Variants in FLII observed in about 807,000 individuals in gnomAD.
FLII encodes protein flightless-1 homolog.
Under a neutral mutation model 156.2 loss-of-function variants are expected in FLII, and 101 were observed. The observed-to-expected ratio is 0.65, with a 90% CI of 0.55 to 0.76. FLII has a LOEUF of 0.76. Ranked by LOEUF, FLII falls within the 30% of genes least tolerant of loss-of-function variation. The pLI is 0.00. For missense variants in FLII, 1,675 were observed against 1,682.8 expected (o/e 1.00, Z 0.08); for synonymous variants, 767 against 685.8 (o/e 1.12, Z -1.85).
upstream of FLII, chr17:18,258,749 G>T (rs909407821): frequency 1.5e-5 from 18 of 1,229,602 alleles, no homozygotes; most frequent in East Asian, 3.3e-5. The surrounding 1 kb of genome is among the most constrained non-coding windows in gnomAD (Gnocchi z 4.2). Flanking sequence ...GAGGGCGCTG[G>T]GGGGAGCCGC....
rs779806523 is a variant in FLII at position 18,246,016 on chromosome 17, A to G, written c.3314T>C (p.Val1105Ala). Reference sequence around the variant, plus strand: ...TTCGTCAGGGTCTGATGCCCGGCCCACCCAGGCATACACGATGCCCTGGTT... The same window carrying G: ...TTCGTCAGGGTCTGATGCCCGGCCCGCCCAGGCATACACGATGCCCTGGTT... Reference protein sequence around the residue: ...EDNQGIVYAWVGRASDPDEAK... With the variant: ...EDNQGIVYAWAGRASDPDEAK... Residue 1105 changes from valine to alanine, a missense_variant, in exon 26 of 30, where the codon GTG becomes GCG. Physicochemically the swap from Val to Ala is moderately conservative, Grantham distance 64 (BLOSUM62 0). This residue lies in a region of FLII where 1,332 missense variants were observed against 1,269.3 expected (regional missense o/e 1.05). Transcript: ENST00000327031. 6.2e-7 allele frequency: 1 copy of G among 1,614,014 alleles called. No homozygotes were observed. Among genetic ancestry groups the G allele is most frequent in the Non-Finnish European group, 8.5e-7 (1 of 1,179,994 alleles).
intron 18 of FLII, 54 bp from the exon 19 acceptor site, chr17:18,248,087 C>T: frequency 8.0e-7 from 1 of 1,253,782 alleles, no homozygotes. Context: ...GGAACCTCAC[C>T]CACACAGCCC....
rs2048045822 is a variant in FLII at position 18,246,198 on chromosome 17, G to A, written c.3231C>T (p.Ser1077=). The A allele has an allele frequency of 6.2e-7, 1 of 1,614,022 alleles. No individual in the cohort carries two copies. The highest frequency in any genetic ancestry group is 1.7e-5 in the Admixed American group (1 of 60,006). ...CTRCIQINTD[S]SLLNSEFCFI... ...AGCAGAACTCGGAGTTGAGGAGGCT[G>A]GAGTCGGTGTTGATCTGGATGCACC... is the stretch of plus-strand genomic sequence containing the variant. Residue 1077 remains serine (S), a synonymous_variant, in exon 25 of 30, where the codon TCC becomes TCT. Coordinates refer to ENST00000327031, the MANE Select transcript of FLII (RefSeq NM_002018.4).
At position 18,248,775 on chromosome 17, in the gene FLII, A is replaced by G. The variant is rs750347661; in HGVS notation, c.2018+25T>C. The G allele has an allele frequency of 2.5e-6, 4 of 1,613,744 alleles. No homozygotes were observed. The African/African-American group carries it at 4.0e-5, about 16-fold the overall frequency. On this transcript the variant is annotated intron_variant, in intron 17 of 29. Transcript: ENST00000327031. The stretch of plus-strand genomic sequence containing the variant: ...AGGCTCACACCCCTTTCCTTCACAC[A>G]AAAGACCCCACGGTGTCCTTGTACC...
intron 5 of FLII, 32 bp downstream of exon 5, chr17:18,254,737 C>T: frequency 6.2e-7 from 1 of 1,614,002 alleles, no homozygotes; most frequent in East Asian, 2.2e-5. Context: ...CCACAGGGCC[C>T]ACCTGCCCCC....
Position 18,247,346 on chromosome 17 carries a change from G to T in FLII, c.2499C>A (p.Ala833=). 6.2e-7 allele frequency: 1 copy of T among 1,602,876 alleles called. No individual in the cohort carries two copies. Among genetic ancestry groups the T allele is most frequent in the African/African-American group, 1.4e-5 (1 of 74,010 alleles). The change falls in exon 21 of 30, where the codon GCC becomes GCA. Residue 833 remains alanine, a synonymous_variant. Coordinates refer to ENST00000327031, the MANE Select transcript of FLII (RefSeq NM_002018.4). ...ACACATCGTCCCAATTCTTGAACTTGGCCTTGAACACCTGCCAGGGAGGCC... is the reference window on the plus strand; with the variant it reads ...ACACATCGTCCCAATTCTTGAACTTTGCCTTGAACACCTGCCAGGGAGGCC... ...LEGTEAQVFK[A]KFKNWDDVLT...
In FLII at chr17:18,245,133, C is replaced by T. The variant is rs376127631; in HGVS notation, c.*5G>A. 19 of 1,608,052 alleles carry T rather than the reference C, an allele frequency of 1.2e-5. No individual in the cohort carries two copies. The highest frequency in any genetic ancestry group is 2.7e-5 in the African/African-American group (2 of 74,826). ...TCACCAAGCCTGGGGCTGTGCCAGC[C>T]TGTCTTAGGCCAGGGCCTTGCAGAA... On this transcript the variant is annotated 3_prime_UTR_variant, in exon 30 of 30. Coordinates refer to ENST00000327031, the MANE Select transcript of FLII (RefSeq NM_002018.4).
At chr17:18,256,868 C>T in intron 2 of FLII, 41 bp downstream of exon 2, 1 of 1,357,544 alleles carries the variant, frequency 7.4e-7, no homozygotes, top group Non-Finnish European at 1.0e-6. Context: ...CCACCTGGCT[C>T]ATCCACAGGG....
Position 18,245,548 on chromosome 17 carries a change from A to G in FLII, c.3609+7T>C. ...TTGGATGGGCAGGGCTAGTGGCAAC[A>G]TCACACCTCTTGGCCATTGTCTAGC... On this transcript the variant is annotated splice_region_variant and intron_variant, in intron 28 of 29. Coordinates refer to ENST00000327031, the MANE Select transcript of FLII (RefSeq NM_002018.4). The G allele has an allele frequency of 1.9e-6, 3 of 1,613,474 alleles. No homozygotes were observed. Among genetic ancestry groups the G allele is most frequent in the Non-Finnish European group, 2.5e-6 (3 of 1,179,656 alleles).
At position 18,246,838 on chromosome 17, in the gene FLII, T is replaced by G; in HGVS notation, c.2817-10A>C. The stretch of plus-strand genomic sequence containing the variant: ...CACAGGCACCCAGTACCTGCCGGGT[T>G]GGAAGGTTGTGAGCAGGGGCTCGAG... On this transcript the variant is annotated splice_polypyrimidine_tract_variant and intron_variant, in intron 22 of 29. Coordinates refer to ENST00000327031, the MANE Select transcript of FLII (RefSeq NM_002018.4). 6.2e-7 allele frequency: 1 copy of G among 1,613,796 alleles called. No homozygotes were observed. The highest frequency in any genetic ancestry group is 8.5e-7 in the Non-Finnish European group (1 of 1,179,790).
intron 12 of FLII, 99 bp downstream of exon 12, chr17:18,251,581 C>T: frequency 6.3e-7 from 1 of 1,579,446 alleles, no homozygotes; most frequent in Non-Finnish European, 8.6e-7. Flanking sequence ...GTTCTTTCTG[C>T]CCAGCACCCC....
At chr17:18,257,501 G>A (rs952621972) in intron 1 of FLII, among the ~76,000 whole-genome samples, 5 of 152,206 alleles carry the variant, frequency 3.3e-5, no homozygotes, top group African/African-American at 1.2e-4. Flanking sequence ...ACCCTGCAGG[G>A]CAGGCCAGCA....
At position 18,248,643 on chromosome 17, in the gene FLII, G is replaced by T; in HGVS notation, c.2097C>A (p.Leu699=). The change falls in exon 18 of 30, where the codon CTC becomes CTA. Residue 699 remains leucine, a synonymous_variant. Transcript: ENST00000327031. ...CACCCAGTGCCTCCCAGAACTCTGGGAGCTCCTGGCCCTGCACCAGCAGTG... is the reference window on the plus strand; with the variant it reads ...CACCCAGTGCCTCCCAGAACTCTGGTAGCTCCTGGCCCTGCACCAGCAGTG... ...EITLLVQGQE[L]PEFWEALGGE... 1 of 1,613,906 alleles carries T rather than the reference G, an allele frequency of 6.2e-7. No individual in the cohort carries two copies. The highest frequency in any genetic ancestry group is 1.1e-5 in the South Asian group (1 of 91,082).
Position 18,245,213 on chromosome 17 carries a change from G to A in FLII, c.3735C>T (p.Val1245=). 1 of 1,613,962 alleles carries A rather than the reference G, an allele frequency of 6.2e-7. No individual in the cohort carries two copies. Among genetic ancestry groups the A allele is most frequent in the South Asian group, 1.1e-5 (1 of 91,072 alleles). The part of the protein sequence containing the change: ...EHERPRRLRL[V]RKGNEQHAFT... ...AGGCGTGCTGCTCATTGCCCTTGCG[G>A]ACCAGGCGCAGCCGGCGCGGCCGCT... Residue 1245 remains valine, a synonymous_variant, in exon 30 of 30, where the codon GTC becomes GTT. Coordinates refer to ENST00000327031, the MANE Select transcript of FLII (RefSeq NM_002018.4).
Position 18,246,168 on chromosome 17 carries a change from G to A in FLII, c.3261C>T (p.Ile1087=), listed in dbSNP as rs374580964. ...CTCACACCCACAACCCCACCTTGAG[G>A]ATGAAGCAGAACTCGGAGTTGAGGA... ...SSLLNSEFCF[I]LKVPFESEDN... The change falls in exon 25 of 30, where the codon ATC becomes ATT. Residue 1087 remains isoleucine, a synonymous_variant. Transcript: ENST00000327031. 15 of 1,614,066 alleles carry A rather than the reference G, an allele frequency of 9.3e-6. No individual in the cohort carries two copies. Among genetic ancestry groups the A allele is most frequent in the South Asian group, 8.8e-5 (8 of 91,090 alleles).
chr17:18,249,478 T>TGG lies in FLII; in HGVS notation c.1777-72_1777-71dup, dbSNP rs143961427. ...CCCCCACCAACCACTGCCCCTCAGG[T>TGG]GGGGGTACAGAGTTGCATACAGGTG... On this transcript the variant is annotated intron_variant, in intron 14 of 29. Coordinates refer to ENST00000327031, the MANE Select transcript of FLII (RefSeq NM_002018.4). The TGG allele has an allele frequency of 4.9e-6, 6 of 1,218,506 alleles. No individual in the cohort carries two copies. The African/African-American group carries it at 9.0e-5, about 18-fold the overall frequency. 75.5% of individuals were successfully genotyped at this position (1,218,506 alleles called of 1,614,324 possible).
rs1487232231 is a variant in FLII, at chr17:18,252,608, G to T, written c.1014-52C>A. 6 of 1,481,820 alleles carry T rather than the reference G, an allele frequency of 4.0e-6. No individual in the cohort carries two copies. The African/African-American group carries it at 6.9e-5, about 17-fold the overall frequency. 91.8% of individuals were successfully genotyped at this position (1,481,820 alleles called of 1,614,324 possible). On this transcript the variant is annotated intron_variant, in intron 9 of 29. Coordinates refer to ENST00000327031, the MANE Select transcript of FLII (RefSeq NM_002018.4). Reference sequence around the variant, plus strand: ...TCAGGCAGGTGACAGACAAGGGGAAGTGGGCAAGAAAACCCCTAGTCCTGG... The same window carrying T: ...TCAGGCAGGTGACAGACAAGGGGAATTGGGCAAGAAAACCCCTAGTCCTGG...
Position 18,245,137 on chromosome 17 carries a change from C to G in FLII, c.*1G>C. 1 of 1,611,094 alleles carries G rather than the reference C, an allele frequency of 6.2e-7. No homozygotes were observed. The highest frequency in any genetic ancestry group is 8.5e-7 in the Non-Finnish European group (1 of 1,178,182). On this transcript the variant is annotated 3_prime_UTR_variant, in exon 30 of 30. Coordinates refer to ENST00000327031, the MANE Select transcript of FLII (RefSeq NM_002018.4). ...CAAGCCTGGGGCTGTGCCAGCCTGT[C>G]TTAGGCCAGGGCCTTGCAGAAGGCG...
chr17:18,249,099 A>C, intron 16 of FLII, 28 bp downstream of exon 16: 1 of 1,595,392 alleles, frequency 6.3e-7, no homozygotes, highest in Non-Finnish European at 8.6e-7. Context: ...AGGATGAAGC[A>C]CCCCCACCTC....
Sources: gnomAD v4.1 joint callset for allele counts (sites outside exome capture counted in the v4.1 genomes callset) on GRCh38, gnomAD v4.1.1 for gene constraint, gnomAD v4.1.1 regional missense constraint, Gnocchi (gnomAD v3.1) non-coding constraint, MANE v1.5 for transcripts, NCBI Gene and HGNC (gene_info 2026-07-23, HGNC 2026-07-21) for gene names.